Variants in ACOT12 observed in about 807,000 individuals in gnomAD.
ACOT12 encodes the protein acyl-CoA thioesterase 12, also known as acetyl-coenzyme A thioesterase.
In ACOT12, 51 loss-of-function variants were observed where a neutral mutation model predicts 67.7. The observed-to-expected ratio is 0.75, with a 90% CI of 0.60 to 0.95. ACOT12 has a LOEUF of 0.95. Ranked by LOEUF, ACOT12 falls within the 40% of genes least tolerant of loss-of-function variation. The pLI is 0.00. For synonymous variants in ACOT12, 251 were observed against 244.6 expected, an observed-to-expected ratio of 1.03 and a Z score of -0.24; for missense variants, 734 against 708.1, an observed-to-expected ratio of 1.04 and a Z score of -0.41.
At chr5:81,353,317 T>A (rs1759610502) in intron 5 of ACOT12, among the ~76,000 whole-genome samples, 1 of 152,076 alleles carries the variant, frequency 6.6e-6, no homozygotes, top group South Asian at 2.1e-4. Flanking sequence ...TTTCCCAGGT[T>A]CAGAGAGCAA....
the ACOT12 span, among the ~76,000 whole-genome samples, chr5:81,317,887 ATT>A: frequency 2.1e-4 from 28 of 134,712 alleles, no homozygotes; most frequent in East Asian, 2.2e-4. Context: ...TAGGTTCACA[ATT>A]TTTTTTTTTT....
At chr5:81,381,323 C>T (rs1180530821) in intron 2 of ACOT12, among the ~76,000 whole-genome samples, 1 of 152,138 alleles carries the variant, frequency 6.6e-6, no homozygotes, top group African/African-American at 2.4e-5. Context: ...CCCACCTCAG[C>T]CTTCCAAAGT....
At chr5:81,316,276 C>T in the ACOT12 span, among the ~76,000 whole-genome samples, 1 of 152,212 alleles carries the variant, frequency 6.6e-6, no homozygotes, top group African/African-American at 2.4e-5. Context: ...ATCACCCCAT[C>T]AACAGCCAAT....
chr5:81,314,422 T>C, the ACOT12 span, among the ~76,000 whole-genome samples: 1 of 152,254 alleles, frequency 6.6e-6, no homozygotes. Context: ...TATATTTTAA[T>C]GATCTATAAA....
intron 12 of ACOT12, among the ~76,000 whole-genome samples, chr5:81,335,201 G>T (rs1006392289): frequency 6.6e-6 from 1 of 152,268 alleles, no homozygotes; most frequent in African/African-American, 2.4e-5. Context: ...ATCTTGGCAC[G>T]TCTCAGAACC....
intron 1 of ACOT12, among the ~76,000 whole-genome samples, chr5:81,392,052 AG>A (rs1760880874): frequency 6.6e-6 from 1 of 152,228 alleles, no homozygotes; most frequent in South Asian, 2.1e-4. Flanking sequence ...TTTAGACTTA[AG>A]GGACTGGAAA....
intron 3 of ACOT12, among the ~76,000 whole-genome samples, chr5:81,370,620 T>G (rs199873339): frequency 6.6e-6 from 1 of 152,098 alleles, no homozygotes; most frequent in East Asian, 1.9e-4. Flanking sequence ...TACCAAAGAC[T>G]ACAGAGAGCC....
intron 11 of ACOT12, among the ~76,000 whole-genome samples, chr5:81,336,404 C>G (rs1759004914): frequency 6.6e-6 from 1 of 152,128 alleles, no homozygotes; most frequent in African/African-American, 2.4e-5. Flanking sequence ...CCATCTCAGC[C>G]TCTTAGCAGG....
At chr5:81,371,852 A>T in intron 2 of ACOT12, 42 bp from the exon 3 acceptor site, 9 of 1,553,326 alleles carry the variant, frequency 5.8e-6, no homozygotes, top group Non-Finnish European at 8.0e-6. Context: ...GTTTTAGCAC[A>T]TTTCATTTCA....
intron 5 of ACOT12, among the ~76,000 whole-genome samples, chr5:81,356,554 T>C (rs997309382): frequency 3.3e-5 from 5 of 152,128 alleles, no homozygotes; most frequent in Admixed American, 6.5e-5. Context: ...GGTCTCTTCC[T>C]TTTGGATGTC....
At chr5:81,317,319 T>A in the ACOT12 span, among the ~76,000 whole-genome samples, 1 of 152,028 alleles carries the variant, frequency 6.6e-6, no homozygotes, top group Non-Finnish European at 1.5e-5. Context: ...CTGGCCAACA[T>A]GGCGAAACCC....
At chr5:81,369,914 T>A (rs370308992) in intron 3 of ACOT12, among the ~76,000 whole-genome samples, 3 of 152,312 alleles carry the variant, frequency 2.0e-5, no homozygotes, top group Middle Eastern at 6.8e-3. Flanking sequence ...ACAGAGCTTG[T>A]TTTCTTCACG....
downstream of ACOT12, among the ~76,000 whole-genome samples, chr5:81,329,570 A>G (rs2153840639): frequency 6.6e-6 from 1 of 152,286 alleles, no homozygotes; most frequent in South Asian, 2.1e-4. Context: ...TCCCACCAAA[A>G]ATGGAGACTC....
the ACOT12 span, chr5:81,312,611 A>G: frequency 6.2e-7 from 1 of 1,614,002 alleles, no homozygotes; most frequent in Non-Finnish European, 8.5e-7. Flanking sequence ...TTTTGGATGT[A>G]CCTAAACCGC....
At chr5:81,308,954 C>T in the ACOT12 span, 1 of 1,612,686 alleles carries the variant, frequency 6.2e-7, no homozygotes, top group East Asian at 2.2e-5. Context: ...AGGCGAATTT[C>T]CTTTTGCAAA....
chr5:81,311,409 A>G, the ACOT12 span: 251 of 958,350 alleles, frequency 2.6e-4, no homozygotes, highest in Non-Finnish European at 3.6e-4. Context: ...TACTGTAGCA[A>G]TGACTTAATC....
rs528151818 is a variant in ACOT12, at chr5:81,344,860, G to A, written c.924+31C>T. Reference sequence around the variant, plus strand: ...GGTAGAGCTCTCTATTCACAGGTCCGGCTATTGAACCTCGTGTGATAATAA... The same window carrying A: ...GGTAGAGCTCTCTATTCACAGGTCCAGCTATTGAACCTCGTGTGATAATAA... On this transcript the variant is annotated intron_variant, in intron 8 of 14. Coordinates refer to ENST00000307624, the MANE Select transcript of ACOT12 (RefSeq NM_130767.3). 2.5e-5 allele frequency: 41 copies of A among 1,612,508 alleles called. No individual in the cohort carries two copies. The East Asian group carries it at 4.0e-4, about 16-fold the overall frequency.
chr5:81,364,310 A>G (rs1371078915), intron 3 of ACOT12, among the ~76,000 whole-genome samples: 3 of 151,052 alleles, frequency 2.0e-5, no homozygotes, highest in Admixed American at 6.6e-5. Flanking sequence ...CATATATAAT[A>G]TCATATTACA....
intron 8 of ACOT12, among the ~76,000 whole-genome samples, chr5:81,344,674 G>A (rs909147630): frequency 5.9e-5 from 9 of 152,162 alleles, no homozygotes; most frequent in Non-Finnish European, 1.2e-4. Context: ...GTGTAGCCCG[G>A]TAGAGGTGAG....
Sources: allele counts gnomAD v4.1 joint callset (sites outside exome capture counted in the v4.1 genomes callset), GRCh38; gene constraint gnomAD v4.1.1; transcripts MANE v1.5; gene names NCBI Gene and HGNC (gene_info 2026-07-23, HGNC 2026-07-21).